Variants in HNRNPH1 observed in about 807,000 individuals in gnomAD.
HNRNPH1 encodes the protein heterogeneous nuclear ribonucleoprotein H1.
HNRNPH1 carries 4 observed loss-of-function variants against 58.6 expected under a neutral mutation model. That is an observed-to-expected ratio of 0.07 (90% CI 0.03 to 0.16). The LOEUF (loss-of-function observed/expected upper bound fraction) is 0.16. Among genes scored for constraint, HNRNPH1 ranks in the 10% least tolerant of loss-of-function variants. The pLI, the probability that HNRNPH1 is intolerant of heterozygous loss-of-function variation, is 1.00. For missense variants in HNRNPH1, 271 were observed against 564.2 expected, an observed-to-expected ratio of 0.48 and a Z score of 5.26; for synonymous variants, 192 against 189.2, an observed-to-expected ratio of 1.01 and a Z score of -0.12.
chr5:179,631,448 C>T (rs1470903647), intron 2 of HNRNPH1, among the ~76,000 whole-genome samples: 1 of 151,518 alleles, frequency 6.6e-6, no homozygotes, highest in Non-Finnish European at 1.5e-5. Flanking sequence ...CCCATCTCTA[C>T]AAAAAGTTAA....
intron 4 of HNRNPH1, 153 bp from the exon 6 acceptor site, chr5:179,618,476 G>A (rs1166181039): frequency 3.9e-6 from 2 of 510,736 alleles, no homozygotes; most frequent in South Asian, 3.3e-5. Flanking sequence ...CATAGGCAAT[G>A]ACCAGAAATT....
chr5:179,617,295 T>C, intron 8 of HNRNPH1, 185 bp from the exon 10 acceptor site: 1 of 729,432 alleles, frequency 1.4e-6, no homozygotes, highest in Non-Finnish European at 2.2e-6. Flanking sequence ...TCATCTGTAT[T>C]GTCAATTAAG....
In HNRNPH1 at chr5:179,617,951, A is replaced by G; in HGVS notation, c.788-19T>C. The G allele has an allele frequency of 6.2e-7, 1 of 1,614,084 alleles. No individual in the cohort carries two copies. The highest frequency in any genetic ancestry group is 8.5e-7 in the Non-Finnish European group (1 of 1,179,896). Reference sequence around the variant, plus strand: ...TTGAGGTCTAGATGGACAAGAGTGTAAGCATCCTTCAACTGAGAAATTCAA... The same window carrying G: ...TTGAGGTCTAGATGGACAAGAGTGTGAGCATCCTTCAACTGAGAAATTCAA... On this transcript the variant is annotated intron_variant, in intron 6 of 12. Coordinates refer to ENST00000356731, the Ensembl canonical transcript of HNRNPH1.
At chr5:179,618,443 T>A in intron 4 of HNRNPH1, 120 bp from the exon 6 acceptor site, 1 of 617,288 alleles carries the variant, frequency 1.6e-6, no homozygotes, top group Non-Finnish European at 2.7e-6. Context: ...GACTAATATT[T>A]AAAGCCAGAT....
At chr5:179,620,244 G>A (rs1053196438) in intron 3 of HNRNPH1, among the ~76,000 whole-genome samples, 1 of 152,070 alleles carries the variant, frequency 6.6e-6, no homozygotes, top group Non-Finnish European at 1.5e-5. Context: ...TAAAATATAC[G>A]ATATCTTATC....
chr5:179,620,391 T>C (rs907323392), intron 3 of HNRNPH1, among the ~76,000 whole-genome samples: 5 of 152,182 alleles, frequency 3.3e-5, no homozygotes, highest in Non-Finnish European at 4.4e-5. Context: ...CTACATCTGA[T>C]TTTCAGTAAG....
At chr5:179,622,061 TTC>T in intron 1 of HNRNPH1, 1 of 451,202 alleles carries the variant, frequency 2.2e-6, no homozygotes, top group South Asian at 1.6e-5. Flanking sequence ...TCAGTCTAAT[TTC>T]TTTTTCCCAG....
intron 3 of HNRNPH1, 132 bp from the exon 5 acceptor site, chr5:179,619,539 C>T (rs542036181): frequency 1.1e-5 from 8 of 698,476 alleles, no homozygotes; most frequent in Non-Finnish European, 1.9e-5. Context: ...TCAACAAGTA[C>T]TCTTTAAATA....
At chr5:179,614,869 G>C (rs1302556347) in exon 13 of HNRNPH1, 1 of 1,542,934 alleles carries the variant, frequency 6.5e-7, no homozygotes. Flanking sequence ...ACTCATACTG[G>C]ACATGCTAGA....
chr5:179,617,246 G>A, intron 8 of HNRNPH1, 136 bp from the exon 10 acceptor site: 1 of 873,574 alleles, frequency 1.1e-6, no homozygotes, highest in Non-Finnish European at 1.8e-6. Context: ...ACTTCTCTTA[G>A]GTGATCTACT....
intron 3 of HNRNPH1, 186 bp downstream of exon 4, chr5:179,620,706 G>T: frequency 1.7e-6 from 1 of 579,522 alleles, no homozygotes; most frequent in Admixed American, 3.2e-5. Flanking sequence ...TAACATTTTG[G>T]AAGTACTTCA....
exon 1 of HNRNPH1, chr5:179,623,310 C>T (rs112283567): frequency 6.9e-5 from 32 of 463,262 alleles, no homozygotes; most frequent in African/African-American, 5.1e-4. Flanking sequence ...CCTCGTCCGG[C>T]GACCGGACCC....
intron 1 of HNRNPH1, among the ~76,000 whole-genome samples, chr5:179,622,435 G>C (rs1772906537): frequency 6.6e-6 from 1 of 152,134 alleles, no homozygotes; most frequent in Admixed American, 6.5e-5. Flanking sequence ...CCCGGGCCAG[G>C]CGCGGTGGCT....
upstream of HNRNPH1, among the ~76,000 whole-genome samples, chr5:179,627,974 C>T (rs1422075035): frequency 1.4e-5 from 2 of 148,142 alleles, no homozygotes; most frequent in Non-Finnish European, 3.0e-5. Context: ...AGGCATGCAC[C>T]ATCACACCCG....
intron 1 of HNRNPH1, 138 bp downstream of exon 2, chr5:179,622,899 T>TCGCCAGGAGG (rs1554134618): frequency 7.4e-6 from 1 of 135,606 alleles, no homozygotes; most frequent in African/African-American, 2.8e-5. Flanking sequence ...CGCCCGCGCC[T>TCGCCAGGAGG]CGCCAGGGGG....
chr5:179,615,087 A>G (rs900253094), intron 12 of HNRNPH1, 128 bp from the exon 14 acceptor site: 13 of 655,676 alleles, frequency 2.0e-5, no homozygotes, highest in Non-Finnish European at 3.3e-5. Flanking sequence ...GGCGAGACGC[A>G]TGTTTGGGAA....
exon 1 of HNRNPH1, chr5:179,624,608 C>A (rs1345426395): frequency 1.0e-5 from 4 of 398,636 alleles, no homozygotes; most frequent in African/African-American, 6.2e-5. Flanking sequence ...GAGGAGGCCC[C>A]CGGGTCACCC....
chr5:179,624,519 G>A (rs1483734709), exon 1 of HNRNPH1: 3 of 398,612 alleles, frequency 7.5e-6, no homozygotes, highest in Non-Finnish European at 1.3e-5. Context: ...CGGCCTCTGC[G>A]CTCGGTAGGT....
chr5:179,631,677 T>C (rs920108759), intron 2 of HNRNPH1, among the ~76,000 whole-genome samples: 1 of 151,600 alleles, frequency 6.6e-6, no homozygotes, highest in African/African-American at 2.4e-5. Flanking sequence ...AACCCAAGAA[T>C]TGGACGTTGC....
Sources: gnomAD v4.1 joint callset for allele counts (sites outside exome capture counted in the v4.1 genomes callset) on GRCh38, gnomAD v4.1.1 for gene constraint, MANE v1.5 for transcripts, NCBI Gene and HGNC (gene_info 2026-07-23, HGNC 2026-07-21) for gene names.